Variants in EPB41L5 observed in about 807,000 individuals in gnomAD.
EPB41L5 encodes erythrocyte membrane protein band 4.1 like 5, also known as band 4.1-like protein 5.
In EPB41L5, 55 loss-of-function variants were observed where a neutral mutation model predicts 106.6. That is an observed-to-expected ratio of 0.52 (90% CI 0.42 to 0.65). EPB41L5 has a LOEUF of 0.65. Among genes scored for constraint, EPB41L5 ranks in the 30% least tolerant of loss-of-function variants. The probability of loss-of-function intolerance (pLI) is 0.00; values close to 1 mark genes in which losing one functional copy is unlikely to be tolerated. For missense variants in EPB41L5, 871 were observed against 882.1 expected, an observed-to-expected ratio of 0.99 and a Z score of 0.16; for synonymous variants, 297 against 306.7, an observed-to-expected ratio of 0.97 and a Z score of 0.33.
At chr2:120,038,871 C>T (rs1248246064) in intron 2 of EPB41L5, among the ~76,000 whole-genome samples, 1 of 152,218 alleles carries the variant, frequency 6.6e-6, no homozygotes, top group Non-Finnish European at 1.5e-5. Flanking sequence ...GATACTTACA[C>T]ACCAGTGTTC....
At chr2:120,165,967 CAAAAAAAAAA>C (rs536664071) in intron 22 of EPB41L5, among the ~76,000 whole-genome samples, 3 of 27,998 alleles carry the variant, frequency 1.1e-4, no homozygotes, top group African/African-American at 2.3e-4. Flanking sequence ...GACTCCGTCT[CAAAAAAAAAA>C]AAAAAAAAAA....
At chr2:120,096,500 A>G (rs1039455914) in intron 14 of EPB41L5, among the ~76,000 whole-genome samples, 1 of 152,240 alleles carries the variant, frequency 6.6e-6, no homozygotes, top group African/African-American at 2.4e-5. Flanking sequence ...TCAGAAAAGT[A>G]GAGTAATGGC....
At chr2:120,101,409 T>A (rs771506144) in intron 16 of EPB41L5, among the ~76,000 whole-genome samples, 11 of 152,230 alleles carry the variant, frequency 7.2e-5, no homozygotes, top group Non-Finnish European at 1.6e-4. Flanking sequence ...TGTGTCTTAT[T>A]GGAGTTAATC....
chr2:120,046,825 A>G (rs962603114), intron 3 of EPB41L5, among the ~76,000 whole-genome samples: 1 of 152,120 alleles, frequency 6.6e-6, no homozygotes, highest in Non-Finnish European at 1.5e-5. Flanking sequence ...TCCATCTTGA[A>G]TTAATTTTTG....
At chr2:120,114,198 T>A (rs760136262) in intron 16 of EPB41L5, among the ~76,000 whole-genome samples, 23 of 152,318 alleles carry the variant, frequency 1.5e-4, no homozygotes, top group Non-Finnish European at 2.5e-4. Context: ...AGCTGGATGA[T>A]GTTGGTATAT....
chr2:120,020,718 G>C (rs1000790476), intron 2 of EPB41L5, among the ~76,000 whole-genome samples: 3 of 152,046 alleles, frequency 2.0e-5, no homozygotes, highest in African/African-American at 7.2e-5. Flanking sequence ...AGATTGCTGT[G>C]TAAGAGACTG....
At chr2:120,075,633 A>G in intron 6 of EPB41L5, 68 bp from the exon 7 acceptor site, 1 of 1,457,052 alleles carries the variant, frequency 6.9e-7, no homozygotes, top group Admixed American at 1.7e-5. Flanking sequence ...AACATGTATT[A>G]TTTTCATTTG....
chr2:120,060,625 A>G (rs1036501127), intron 3 of EPB41L5, among the ~76,000 whole-genome samples: 2 of 152,164 alleles, frequency 1.3e-5, no homozygotes, highest in African/African-American at 4.8e-5. Context: ...GCGTTGGGGG[A>G]GTGGTGACTA....
intron 13 of EPB41L5, among the ~76,000 whole-genome samples, chr2:120,092,044 A>ATTTG (rs1191467199): frequency 2.0e-5 from 2 of 102,008 alleles, no homozygotes; most frequent in African/African-American, 6.9e-5. Context: ...TTATTTATTT[A>ATTTG]TTTTGAGATA....
In EPB41L5 at chr2:120,175,313, C is replaced by G. The variant is rs1687881541; in HGVS notation, c.*406C>G. 5.9e-6 allele frequency: 1 copy of G among 168,712 alleles called. No homozygotes were observed. The allele number at this position is 168,712 out of a possible 1,614,324, so 10.5% of individuals were successfully genotyped here. On this transcript the variant is annotated 3_prime_UTR_variant, in exon 25 of 25. Transcript: ENST00000263713. ...CATCTAGTATCAGGGTGAGAGCATC[C>G]TTGATCTGGCTGCCTGTTAGAGAAA...
Position 120,161,484 on chromosome 2 carries a change from A to G in EPB41L5, c.1887+510A>G, listed in dbSNP as rs188455118. Among the ~76,000 whole-genome samples, 11 of 152,022 alleles carry G rather than the reference A, an allele frequency of 7.2e-5. No individual in the cohort carries two copies. The East Asian group carries it at 2.1e-3, about 29-fold the overall frequency. Reference sequence around the variant, plus strand: ...TCTTAGGGTTTCTTCTCCAGTTTGTATGTACTTTGTTTATATTTTGGGGGT... The same window carrying G: ...TCTTAGGGTTTCTTCTCCAGTTTGTGTGTACTTTGTTTATATTTTGGGGGT... On this transcript the variant is annotated intron_variant, in intron 21 of 24. Transcript: ENST00000263713.
At chr2:120,046,814 A>G (rs1006283992) in intron 3 of EPB41L5, among the ~76,000 whole-genome samples, 30 of 152,232 alleles carry the variant, frequency 2.0e-4, no homozygotes, top group African/African-American at 7.0e-4. Flanking sequence ...TAAGTCTTTA[A>G]TCCATCTTGA....
intron 5 of EPB41L5, chr2:120,074,396 C>G: frequency 2.2e-6 from 1 of 445,644 alleles, no homozygotes; most frequent in Non-Finnish European, 4.0e-6. Context: ...TTAGCATCCT[C>G]CAAAGGTGAC....
chr2:120,142,775 T>C (rs1485821185), intron 18 of EPB41L5, among the ~76,000 whole-genome samples: 1 of 152,154 alleles, frequency 6.6e-6, no homozygotes, highest in African/African-American at 2.4e-5. Flanking sequence ...CTTTGGGTTA[T>C]AGTTTGCTAC....
At chr2:120,160,707 G>A (rs72841647) in intron 20 of EPB41L5, 174 bp from the exon 21 acceptor site, 30,874 of 573,082 alleles carry the variant, frequency 0.054, 1,098 homozygotes, top group Non-Finnish European at 0.071. Flanking sequence ...TAACTGGAGC[G>A]AGATGATGTC....
At chr2:120,139,445 A>C (rs997698856) in intron 18 of EPB41L5, among the ~76,000 whole-genome samples, 2 of 152,078 alleles carry the variant, frequency 1.3e-5, no homozygotes, top group African/African-American at 4.8e-5. Flanking sequence ...TGGACTAATA[A>C]CCAGAATATA....
At chr2:120,073,967 A>T (rs1399880916) in intron 4 of EPB41L5, 133 bp from the exon 5 acceptor site, 5 of 643,532 alleles carry the variant, frequency 7.8e-6, no homozygotes, top group Non-Finnish European at 1.3e-5. Context: ...GAAGCCTATG[A>T]TCTAACCTGC....
chr2:120,165,967 C>CAAA lies in EPB41L5; in HGVS notation c.1962+1082_1962+1084dup, dbSNP rs536664071. On this transcript the variant is annotated intron_variant, in intron 22 of 24. Transcript: ENST00000263713. The stretch of plus-strand genomic sequence containing the variant: ...TGGGCGACACAGTGAGACTCCGTCT[C>CAAA]AAAAAAAAAAAAAAAAAAAAAAAAA... Among the ~76,000 whole-genome samples the CAAA allele has an allele frequency of 6.0e-3, 168 of 27,956 alleles. 20 individuals carry two copies. Among genetic ancestry groups the CAAA allele is most frequent in the African/African-American group, 0.017 (145 of 8,672 alleles). The allele number at this position is 27,956 out of a possible 152,430, so 18.3% of individuals were successfully genotyped here.
intron 3 of EPB41L5, among the ~76,000 whole-genome samples, chr2:120,064,466 T>A (rs1052273193): frequency 1.3e-5 from 2 of 152,274 alleles, no homozygotes; most frequent in Admixed American, 6.5e-5. Context: ...GGGGTGAGGG[T>A]ATGTATATGT....
Sources: allele counts gnomAD v4.1 joint callset (sites outside exome capture counted in the v4.1 genomes callset), GRCh38; gene constraint gnomAD v4.1.1; transcripts MANE v1.5; gene names NCBI Gene and HGNC (gene_info 2026-07-23, HGNC 2026-07-21).